The following GPSM2 variants were observed in gnomAD, a reference collection of about 807,000 sequenced individuals.
GPSM2 encodes the protein G protein-signaling modulator 2.
A neutral mutation model predicts 78.4 loss-of-function variants in GPSM2; 58 were observed. The observed-to-expected ratio is 0.74, with a 90% CI of 0.60 to 0.92. GPSM2 has a LOEUF of 0.92. Among genes scored for constraint, GPSM2 ranks in the 40% least tolerant of loss-of-function variants. The pLI, the probability that GPSM2 is intolerant of heterozygous loss-of-function variation, is 0.00. For missense variants in GPSM2, 700 were observed against 815.5 expected (o/e 0.86, Z 1.73); for synonymous variants, 224 against 280.2 (o/e 0.80, Z 2.00).
At chr1:108,917,595 T>TACACACACACACACAC (rs71593443) in intron 11 of GPSM2, among the ~76,000 whole-genome samples, 7 of 57,290 alleles carry the variant, frequency 1.2e-4, no homozygotes, top group African/African-American at 3.3e-4. Flanking sequence ...AACAAATGTA[T>TACACACACACACACAC]ACACACACAC....
At position 108,897,012 on chromosome 1, in the gene GPSM2, G is replaced by A. The variant is rs763734307; in HGVS notation, c.205G>A (p.Gly69Ser). 2 of 1,613,878 alleles carry A rather than the reference G, an allele frequency of 1.2e-6. No individual in the cohort carries two copies. Among genetic ancestry groups the A allele is most frequent in the Admixed American group, 3.3e-5 (2 of 60,018 alleles). ...KTLSAIYSQLGNAYFYLHDYA... is the reference protein window; with the variant it reads ...KTLSAIYSQLSNAYFYLHDYA... The stretch of plus-strand genomic sequence containing the variant: ...ACTTAGCGCTATTTACAGCCAGTTG[G>A]GCAATGCTTATTTCTATTTGCATGA... Residue 69 changes from glycine to serine, a missense_variant, in exon 3 of 15, where the codon GGC becomes AGC. Physicochemically the swap from Gly to Ser is moderately conservative, Grantham distance 56. Transcript: ENST00000264126.
At chr1:108,916,801 CAAAG>C (rs1650268070) in intron 11 of GPSM2, among the ~76,000 whole-genome samples, 1 of 152,092 alleles carries the variant, frequency 6.6e-6, no homozygotes, top group African/African-American at 2.4e-5. Flanking sequence ...ATAAAGCTGT[CAAAG>C]AATTCATTAT....
intron 10 of GPSM2, among the ~76,000 whole-genome samples, chr1:108,905,886 C>T: frequency 6.6e-6 from 1 of 152,126 alleles, no homozygotes. Flanking sequence ...TATTACTTAA[C>T]TTTGGTTAAT....
intron 2 of GPSM2, among the ~76,000 whole-genome samples, chr1:108,892,974 C>T (rs1008681745): frequency 6.6e-6 from 1 of 152,220 alleles, no homozygotes; most frequent in Non-Finnish European, 1.5e-5. Flanking sequence ...AGGGCATTCT[C>T]ACTACATGGA....
intron 1 of GPSM2, among the ~76,000 whole-genome samples, chr1:108,878,502 A>G (rs1665740882): frequency 6.6e-6 from 1 of 152,244 alleles, no homozygotes; most frequent in Non-Finnish European, 1.5e-5. Context: ...TGTTACAAAC[A>G]TATTTTAATA....
chr1:108,907,580 C>T (rs1283888251), intron 10 of GPSM2, among the ~76,000 whole-genome samples: 15 of 151,900 alleles, frequency 9.9e-5, no homozygotes, highest in East Asian at 1.9e-4. Flanking sequence ...TGTGGTTGAA[C>T]GTTTACAGAA....
At chr1:108,928,578 G>A (rs1651348193) in intron 14 of GPSM2, among the ~76,000 whole-genome samples, 1 of 152,176 alleles carries the variant, frequency 6.6e-6, no homozygotes, top group Non-Finnish European at 1.5e-5. Flanking sequence ...TCAAATATCA[G>A]CTATCACACT....
At chr1:108,923,959 TTG>T in intron 13 of GPSM2, 39 bp from the exon 14 acceptor site, 1 of 1,438,288 alleles carries the variant, frequency 7.0e-7, no homozygotes, top group Non-Finnish European at 9.8e-7. Context: ...TTTTTGTTTT[TTG>T]TTTTTTTTTA....
intron 10 of GPSM2, among the ~76,000 whole-genome samples, chr1:108,908,740 C>CACACACACACACACA (rs1553213496): frequency 6.6e-6 from 1 of 151,952 alleles, no homozygotes; most frequent in African/African-American, 2.4e-5. Flanking sequence ...CACACACACG[C>CACACACACACACACA]CGGGGCAGTG....
chr1:108,882,006 CAGTGGTGCAATCATCGATTACTATAACCT>C, intron 1 of GPSM2, among the ~76,000 whole-genome samples: 1 of 152,242 alleles, frequency 6.6e-6, no homozygotes, highest in South Asian at 2.1e-4. Context: ...GACTGGAGTG[CAGTGGTGCAATCATCGATTACTATAACCT>C]CCAACTCCTG....
At chr1:108,891,725 G>A (rs1317800829) in intron 2 of GPSM2, among the ~76,000 whole-genome samples, 2 of 144,150 alleles carry the variant, frequency 1.4e-5, no homozygotes, top group Non-Finnish European at 3.0e-5. Flanking sequence ...GGCTGGTCTC[G>A]AACTCCTGGG....
intron 2 of GPSM2, among the ~76,000 whole-genome samples, chr1:108,886,972 C>T (rs1187733212): frequency 2.0e-5 from 3 of 151,832 alleles, no homozygotes; most frequent in Non-Finnish European, 2.9e-5. Context: ...CTGTAACCTC[C>T]GCCTCCCATG....
chr1:108,924,168 A>G lies in GPSM2; in HGVS notation c.1769A>G (p.Asn590Ser). ...SVLSHLMTNDNKEADEDFFDI... is the reference protein window; with the variant it reads ...SVLSHLMTNDSKEADEDFFDI... The stretch of plus-strand genomic sequence containing the variant: ...CTTAGCCACCTGATGACTAATGACA[A>G]CAAAGAGGCTGATGAAGATTTCTTT... Residue 590 changes from asparagine (N) to serine (S), a missense_variant, in exon 14 of 15, where the codon AAC becomes AGC. Physicochemically the swap from Asn to Ser is conservative, Grantham distance 46. Transcript: ENST00000264126. 2 of 1,613,982 alleles carry G rather than the reference A, an allele frequency of 1.2e-6. No individual in the cohort carries two copies. Among genetic ancestry groups the G allele is most frequent in the Non-Finnish European group, 1.7e-6 (2 of 1,179,842 alleles).
intron 7 of GPSM2, among the ~76,000 whole-genome samples, chr1:108,901,426 T>TGTG (rs1648814905): frequency 6.6e-6 from 1 of 152,176 alleles, no homozygotes. Flanking sequence ...TGAAAACAGA[T>TGTG]GTCATGTGGA....
At chr1:108,896,287 C>T (rs895077559) in intron 2 of GPSM2, among the ~76,000 whole-genome samples, 2 of 151,978 alleles carry the variant, frequency 1.3e-5, no homozygotes, top group Non-Finnish European at 1.5e-5. Flanking sequence ...TCTTACAGAT[C>T]AAGAATATTT....
At chr1:108,887,214 C>A (rs138828194) in intron 2 of GPSM2, among the ~76,000 whole-genome samples, 256 of 152,218 alleles carry the variant, frequency 1.7e-3, no homozygotes, top group African/African-American at 5.7e-3. Context: ...ATTGTGCTGT[C>A]TCCAAATTCT....
chr1:108,916,901 T>C (rs1458136751), intron 11 of GPSM2, among the ~76,000 whole-genome samples: 3 of 152,130 alleles, frequency 2.0e-5, no homozygotes, highest in Non-Finnish European at 2.9e-5. Context: ...GAGTGTGCAG[T>C]GGGAGGGAAC....
intron 8 of GPSM2, among the ~76,000 whole-genome samples, chr1:108,902,829 G>C (rs1453921820): frequency 1.3e-5 from 2 of 152,088 alleles, no homozygotes; most frequent in East Asian, 3.8e-4. Context: ...AGGAAAATAG[G>C]GTAGTGGACC....
chr1:108,917,146 A>T (rs547510290), intron 11 of GPSM2, among the ~76,000 whole-genome samples: 56 of 152,304 alleles, frequency 3.7e-4, no homozygotes, highest in African/African-American at 1.2e-3. Context: ...ATGTTCTCAC[A>T]TCAAGGACCA....
Sources: gnomAD v4.1 joint callset for allele counts (sites outside exome capture counted in the v4.1 genomes callset) on GRCh38, gnomAD v4.1.1 for gene constraint, MANE v1.5 for transcripts, NCBI Gene and HGNC (gene_info 2026-07-23, HGNC 2026-07-21) for gene names.